Variants in DIS3L2 observed in about 807,000 individuals in gnomAD.
DIS3L2 encodes the protein DIS3-like exonuclease 2.
In DIS3L2, 34 loss-of-function variants were observed where a neutral mutation model predicts 97.5. That is an observed-to-expected ratio of 0.35 (90% CI 0.27 to 0.46). The LOEUF is 0.46. Among genes scored for constraint, DIS3L2 ranks in the 20% least tolerant of loss-of-function variants. The pLI is 1.00. For missense variants in DIS3L2, 1,038 were observed against 1,146.0 expected, an observed-to-expected ratio of 0.91 and a Z score of 1.36; for synonymous variants, 435 against 445.2, an observed-to-expected ratio of 0.98 and a Z score of 0.29.
chr2:232,195,587 G>A (rs1402965405), intron 9 of DIS3L2, among the ~76,000 whole-genome samples: 2 of 150,066 alleles, frequency 1.3e-5, no homozygotes, highest in Admixed American at 6.7e-5. Flanking sequence ...GTGGGTGGGG[G>A]TGCCACAAGA....
intron 6 of DIS3L2, among the ~76,000 whole-genome samples, chr2:232,091,368 T>G (rs2106313832): frequency 6.6e-6 from 1 of 152,328 alleles, no homozygotes; most frequent in South Asian, 2.1e-4. Flanking sequence ...TTCAGTTGTT[T>G]TAGTTTTTTA....
intron 13 of DIS3L2, 104 bp downstream of exon 13, chr2:232,263,544 T>C: frequency 8.9e-7 from 1 of 1,121,438 alleles, no homozygotes; most frequent in South Asian, 1.4e-5. Flanking sequence ...TCCTTCTCTT[T>C]GCTCCAGGCA....
intron 5 of DIS3L2, among the ~76,000 whole-genome samples, chr2:232,053,258 T>C (rs1323483564): frequency 6.6e-6 from 1 of 152,254 alleles, no homozygotes. Flanking sequence ...ATACAGAATT[T>C]AGAAAATATG....
At chr2:232,261,699 C>T (rs1434338044) in intron 12 of DIS3L2, among the ~76,000 whole-genome samples, 1 of 152,160 alleles carries the variant, frequency 6.6e-6, no homozygotes, top group East Asian at 1.9e-4. Flanking sequence ...CCTTCATAAA[C>T]ACCACCAGCC....
intron 9 of DIS3L2, among the ~76,000 whole-genome samples, chr2:232,206,224 C>T (rs936676978): frequency 2.6e-5 from 4 of 152,330 alleles, no homozygotes; most frequent in Middle Eastern, 3.4e-3. Context: ...AAAGGCTCCT[C>T]GAAGTCCTAC....
intron 14 of DIS3L2, among the ~76,000 whole-genome samples, chr2:232,303,706 ATTC>A (rs1370981636): frequency 3.3e-5 from 5 of 152,144 alleles, no homozygotes; most frequent in African/African-American, 9.7e-5. Flanking sequence ...TATTTTCTGG[ATTC>A]TTTTATCAGC....
chr2:231,980,719 G>T (rs1370951063), intron 1 of DIS3L2, among the ~76,000 whole-genome samples: 1 of 152,002 alleles, frequency 6.6e-6, no homozygotes, highest in Non-Finnish European at 1.5e-5. Context: ...AAAAAAAAAA[G>T]ATAAGCTTGT....
chr2:232,023,238 A>G (rs1694569778), intron 3 of DIS3L2: 1 of 152,214 alleles, frequency 6.6e-6, no homozygotes, highest in Non-Finnish European at 1.5e-5. Flanking sequence ...TCCATACTCA[A>G]TAATTAATTG....
intron 10 of DIS3L2, among the ~76,000 whole-genome samples, chr2:232,226,651 A>C (rs1411754443): frequency 6.6e-6 from 1 of 152,146 alleles, no homozygotes; most frequent in African/African-American, 2.4e-5. Flanking sequence ...CTACTATACC[A>C]CATCCATATC....
At chr2:232,062,569 A>G (rs1206930737) in intron 5 of DIS3L2, among the ~76,000 whole-genome samples, 1 of 152,152 alleles carries the variant, frequency 6.6e-6, no homozygotes, top group Non-Finnish European at 1.5e-5. Context: ...ACATGTCCTC[A>G]TCGTTCTTTG....
chr2:232,165,366 T>G (rs1265081400), intron 9 of DIS3L2, among the ~76,000 whole-genome samples: 1 of 152,212 alleles, frequency 6.6e-6, no homozygotes, highest in East Asian at 1.9e-4. Context: ...CATATATGTG[T>G]GTATACGTAT....
intron 6 of DIS3L2, among the ~76,000 whole-genome samples, chr2:232,111,450 T>C (rs1447136061): frequency 6.6e-6 from 1 of 152,158 alleles, no homozygotes; most frequent in Admixed American, 6.5e-5. Flanking sequence ...TTGGGCAAAG[T>C]TGATCCCAGT....
chr2:231,963,409 G>T (rs1363087326), intron 1 of DIS3L2, among the ~76,000 whole-genome samples: 1 of 152,050 alleles, frequency 6.6e-6, no homozygotes, highest in African/African-American at 2.4e-5. Flanking sequence ...TCTGAGAAGT[G>T]TTCATGTCCT....
intron 6 of DIS3L2, among the ~76,000 whole-genome samples, chr2:232,088,877 C>G (rs752108698): frequency 6.6e-6 from 1 of 152,080 alleles, no homozygotes; most frequent in Non-Finnish European, 1.5e-5. Context: ...CTAGCCAAAT[C>G]GAATTTTATG....
chr2:232,020,279 T>A (rs963967911), intron 3 of DIS3L2, among the ~76,000 whole-genome samples: 1 of 152,124 alleles, frequency 6.6e-6, no homozygotes, highest in Non-Finnish European at 1.5e-5. Context: ...CATACCTCTC[T>A]GGGAATTGTG....
intron 13 of DIS3L2, among the ~76,000 whole-genome samples, chr2:232,286,405 A>G (rs192196032): frequency 5.3e-5 from 8 of 152,310 alleles, no homozygotes; most frequent in African/African-American, 1.2e-4. Flanking sequence ...AAGGAGTCCT[A>G]CAGAAAGCAA....
intron 14 of DIS3L2, among the ~76,000 whole-genome samples, chr2:232,310,763 G>A (rs555820067): frequency 6.6e-6 from 1 of 152,226 alleles, no homozygotes; most frequent in African/African-American, 2.4e-5. Context: ...AGCAGGTGTG[G>A]GGCCCTAGAA....
At position 232,048,313 on chromosome 2, in the gene DIS3L2, A is replaced by G. The variant is rs1356234889; in HGVS notation, c.366+18233A>G. 2.6e-5 allele frequency among the ~76,000 whole-genome samples: 4 copies of G among 152,130 alleles called. No individual in the cohort carries two copies. The East Asian group carries it at 7.7e-4, about 29-fold the overall frequency. ...TTTCACACGCAAGTCACCATTTTGG[A>G]CATTTCAAAATGGAGCCCCTCTATC... On this transcript the variant is annotated intron_variant, in intron 5 of 20. Transcript: ENST00000325385.
chr2:232,069,107 G>A (rs980639175), intron 5 of DIS3L2, among the ~76,000 whole-genome samples: 1 of 152,122 alleles, frequency 6.6e-6, no homozygotes, highest in Non-Finnish European at 1.5e-5. Context: ...GTGAGCCACC[G>A]AGTCTGGCCT....
Sources: allele counts gnomAD v4.1 joint callset (sites outside exome capture counted in the v4.1 genomes callset), GRCh38; gene constraint gnomAD v4.1.1; transcripts MANE v1.5; gene names NCBI Gene and HGNC (gene_info 2026-07-23, HGNC 2026-07-21).